Variants in ANKFN1 observed in about 807,000 individuals in gnomAD.
ANKFN1 encodes the protein ankyrin repeat and fibronectin type-III domain-containing protein 1.
In ANKFN1, 74 loss-of-function variants were observed where a neutral mutation model predicts 108.7. The ratio of observed to expected loss-of-function variants is 0.68; its 90% CI spans 0.56 to 0.83. The LOEUF is 0.83. Among genes scored for constraint, ANKFN1 ranks in the 40% least tolerant of loss-of-function variants. The pLI is 0.00. For missense variants in ANKFN1, 1,505 were observed against 1,382.3 expected, an observed-to-expected ratio of 1.09 and a Z score of -1.41; for synonymous variants, 547 against 516.2, an observed-to-expected ratio of 1.06 and a Z score of -0.81.
intron 4 of ANKFN1, among the ~76,000 whole-genome samples, chr17:56,083,205 GAGA>G (rs112236499): frequency 0.071 from 10,679 of 151,164 alleles, 1,429 homozygotes; most frequent in African/African-American, 0.25. Context: ...CAACTGTGCC[GAGA>G]AGAATGCTTT....
At chr17:56,268,644 TG>T (rs561275395) in intron 3 of ANKFN1, among the ~76,000 whole-genome samples, 262 of 152,124 alleles carry the variant, frequency 1.7e-3, no homozygotes, top group African/African-American at 6.0e-3. Flanking sequence ...AATCAAAGGT[TG>T]GTTTTTTGAA....
chr17:56,428,839 T>C (rs904559702), intron 8 of ANKFN1, among the ~76,000 whole-genome samples: 2 of 151,738 alleles, frequency 1.3e-5, no homozygotes, highest in African/African-American at 4.8e-5. Flanking sequence ...CATTATGGTT[T>C]CTTGGGACCC....
At chr17:56,380,598 C>T (rs1337810699) in intron 8 of ANKFN1, among the ~76,000 whole-genome samples, 10 of 152,304 alleles carry the variant, frequency 6.6e-5, no homozygotes, top group South Asian at 4.1e-4. Flanking sequence ...TGTGCTTTTC[C>T]GACAGGCTTA....
At chr17:56,362,055 G>A (rs2046536725) in intron 6 of ANKFN1, among the ~76,000 whole-genome samples, 1 of 152,104 alleles carries the variant, frequency 6.6e-6, no homozygotes, top group African/African-American at 2.4e-5. Context: ...AGCAGACATA[G>A]GTCACTGCAG....
chr17:56,180,127 T>G (rs1911549867), intron 1 of ANKFN1, among the ~76,000 whole-genome samples: 1 of 152,188 alleles, frequency 6.6e-6, no homozygotes, highest in Admixed American at 6.6e-5. Flanking sequence ...TGGTGGGCAC[T>G]CTTCTGGCCT....
intron 2 of ANKFN1, among the ~76,000 whole-genome samples, chr17:56,220,828 AAGGG>A (rs1452823432): frequency 0.021 from 876 of 41,646 alleles, 8 homozygotes; most frequent in East Asian, 0.088. Context: ...GGAAGGAAGG[AAGGG>A]AGGAAGGGAG....
chr17:56,208,470 T>G (rs144314296), intron 1 of ANKFN1, among the ~76,000 whole-genome samples: 36 of 152,294 alleles, frequency 2.4e-4, no homozygotes, highest in Non-Finnish European at 3.8e-4. Flanking sequence ...TCTCCAGACA[T>G]TGGCAGCTGT....
intron 4 of ANKFN1, among the ~76,000 whole-genome samples, chr17:56,079,832 G>A (rs1905224265): frequency 6.6e-6 from 1 of 152,108 alleles, no homozygotes; most frequent in Admixed American, 6.5e-5. Flanking sequence ...AAAAAACATT[G>A]GCACATTTGA....
intron 3 of ANKFN1, among the ~76,000 whole-genome samples, chr17:56,298,069 A>G (rs1336537086): frequency 6.6e-6 from 1 of 152,174 alleles, no homozygotes; most frequent in African/African-American, 2.4e-5. Context: ...ACTTGGTAAA[A>G]ATGCCAATTC....
At chr17:56,344,820 A>T (rs2046054592) in intron 4 of ANKFN1, among the ~76,000 whole-genome samples, 1 of 151,596 alleles carries the variant, frequency 6.6e-6, no homozygotes, top group Non-Finnish European at 1.5e-5. Flanking sequence ...AGGAGCTACA[A>T]CCCCATTCTG....
intron 4 of ANKFN1, among the ~76,000 whole-genome samples, chr17:56,067,840 C>A (rs936763814): frequency 6.6e-6 from 1 of 152,280 alleles, no homozygotes; most frequent in South Asian, 2.1e-4. Flanking sequence ...GAGATCGACA[C>A]CAGCTTCTCA....
intron 1 of ANKFN1, among the ~76,000 whole-genome samples, chr17:56,167,120 G>A (rs980129998): frequency 4.6e-5 from 7 of 151,408 alleles, no homozygotes; most frequent in African/African-American, 1.5e-4. Flanking sequence ...GCTTAGTGTG[G>A]AAGTTAAATA....
At chr17:56,240,521 C>A (rs1917503282) in intron 3 of ANKFN1, among the ~76,000 whole-genome samples, 1 of 151,992 alleles carries the variant, frequency 6.6e-6, no homozygotes, top group Non-Finnish European at 1.5e-5. Flanking sequence ...CCTCATGTAC[C>A]TGGGCAGAAT....
chr17:56,173,792 C>T (rs1910888539), intron 1 of ANKFN1, among the ~76,000 whole-genome samples: 1 of 152,152 alleles, frequency 6.6e-6, no homozygotes, highest in East Asian at 1.9e-4. Flanking sequence ...TACTACTGTA[C>T]TGTCTCTCCA....
chr17:56,112,288 A>T (rs1212284807), intron 4 of ANKFN1, among the ~76,000 whole-genome samples: 2 of 152,086 alleles, frequency 1.3e-5, no homozygotes, highest in Non-Finnish European at 2.9e-5. Context: ...TCCCTCCAGA[A>T]TGGTGAGGAA....
At chr17:56,168,127 C>G (rs541538941) in intron 1 of ANKFN1, among the ~76,000 whole-genome samples, 56 of 152,006 alleles carry the variant, frequency 3.7e-4, no homozygotes, top group Non-Finnish European at 7.1e-4. Flanking sequence ...ATTAGCCAGG[C>G]ATGGTGGTGC....
chr17:56,150,212 A>G (rs1054942819), upstream of ANKFN1, among the ~76,000 whole-genome samples: 2 of 152,228 alleles, frequency 1.3e-5, no homozygotes, highest in Non-Finnish European at 2.9e-5. Context: ...GTCCACCAAT[A>G]TGTAATTTTC....
intron 5 of ANKFN1, 94 bp downstream of exon 5, chr17:56,351,061 A>G: frequency 7.7e-7 from 1 of 1,293,396 alleles, no homozygotes; most frequent in Non-Finnish European, 1.1e-6. Flanking sequence ...TTACTTCAGA[A>G]GTTGATGCTT....
intron 3 of ANKFN1, chr17:56,252,281 A>G (rs1423525094): frequency 1.3e-5 from 2 of 152,250 alleles, no homozygotes; most frequent in Non-Finnish European, 2.9e-5. Context: ...ACAGCTAACC[A>G]ATGATGGAAC....
Sources: allele counts gnomAD v4.1 joint callset (sites outside exome capture counted in the v4.1 genomes callset), GRCh38; gene constraint gnomAD v4.1.1; transcripts MANE v1.5; gene names NCBI Gene and HGNC (gene_info 2026-07-23, HGNC 2026-07-21).